KLHL13: variants seen among roughly 807,000 people sequenced by gnomAD.
The protein encoded by KLHL13 is kelch like family member 13.
Under a neutral mutation model 37.1 loss-of-function variants are expected in KLHL13, and 10 were observed. The ratio of observed to expected loss-of-function variants is 0.27; its 90% CI spans 0.17 to 0.46. The LOEUF is 0.46. KLHL13 is among the 20% of genes least tolerant of loss of function. The pLI is 1.00. For synonymous variants in KLHL13, 163 were observed against 181.2 expected (o/e 0.90, Z 0.81); for missense variants, 360 against 509.3 (o/e 0.71, Z 2.82).
At chrX:117,967,734 A>C (rs1395228257) in intron 1 of KLHL13, among the ~76,000 whole-genome samples, 1 of 112,082 alleles carries the variant, frequency 8.9e-6, no homozygotes, top group African/African-American at 3.2e-5. Context: ...AAATGATTTC[A>C]AGAGGTCTTT....
chrX:118,028,553 C>A (rs2054299604), intron 1 of KLHL13, 56 bp from the exon 2 acceptor site: 1 of 551,637 alleles, frequency 1.8e-6, no homozygotes, highest in Admixed American at 3.2e-5. Context: ...CTGGAATTTT[C>A]AACTTCTGTT....
At chrX:117,985,473 C>T in intron 1 of KLHL13, 1 of 412,520 alleles carries the variant, frequency 2.4e-6, no homozygotes, top group Non-Finnish European at 3.0e-6. Flanking sequence ...AACCTATGTA[C>T]TGCATACCTT....
intron 1 of KLHL13, among the ~76,000 whole-genome samples, chrX:117,984,806 G>A (rs761715523): frequency 2.5e-4 from 28 of 109,868 alleles, no homozygotes; most frequent in African/African-American, 9.2e-4. Context: ...GCATCAAAAT[G>A]TCTTTAAATA....
At position 117,983,424 on chromosome X, in the gene KLHL13, C is replaced by G. The variant is rs1018726374; in HGVS notation, c.-55-37849G>C. ...TATTCTCAGGGTCTTTCATGAAAAC[C>G]AATTCGCACTGAAAAAAAAAAAAAG... On this transcript the variant is annotated intron_variant, in intron 1 of 6. Coordinates refer to the KLHL13 transcript ENST00000371882. 5.5e-6 allele frequency: 4 copies of G among 729,526 alleles called. No individual in the cohort carries two copies. In the African/African-American group the frequency reaches 9.8e-5, roughly 18 times the overall value. 60.1% of individuals were successfully genotyped at this position (729,526 alleles called of 1,213,427 possible).
intron 2 of KLHL13, among the ~76,000 whole-genome samples, chrX:117,923,372 G>C (rs1931829711): frequency 8.9e-6 from 1 of 111,970 alleles, no homozygotes; most frequent in South Asian, 3.7e-4. Context: ...GATGAGTCTA[G>C]GTACTGTATG....
At chrX:118,091,748 A>G (rs1428162373) in intron 1 of KLHL13, among the ~76,000 whole-genome samples, 3 of 111,332 alleles carry the variant, frequency 2.7e-5, no homozygotes, top group Non-Finnish European at 3.8e-5. Flanking sequence ...AGAAACCTAC[A>G]GAATCGAGAA....
At chrX:118,089,666 G>GAAAGAAAGAAAGAAAA (rs764792954) in intron 1 of KLHL13, among the ~76,000 whole-genome samples, 2 of 103,929 alleles carry the variant, frequency 1.9e-5, no homozygotes, top group African/African-American at 3.5e-5. Flanking sequence ...AAGAAAGAAA[G>GAAAGAAAGAAAGAAAA]AAAAAAGAAA....
intron 5 of KLHL13, among the ~76,000 whole-genome samples, chrX:117,905,699 T>C (rs1315346406): frequency 1.8e-5 from 2 of 111,409 alleles, no homozygotes; most frequent in Non-Finnish European, 3.8e-5. Flanking sequence ...TACGTGTATA[T>C]TTTTATGGGG....
exon 7 of KLHL13, chrX:117,899,301 T>C: frequency 8.3e-6 from 10 of 1,211,252 alleles, no homozygotes; most frequent in Non-Finnish European, 1.1e-5. Flanking sequence ...AATGCAGACC[T>C]CTGACAGTGG....
exon 1 of KLHL13, chrX:117,973,080 G>A (rs187226456): frequency 3.3e-5 from 33 of 1,004,158 alleles, no homozygotes; most frequent in South Asian, 1.5e-4. Context: ...CCAGAAAAGC[G>A]TTGACTGCAG....
chrX:117,992,525 C>G (rs1318497024), intron 1 of KLHL13, among the ~76,000 whole-genome samples: 1 of 111,114 alleles, frequency 9.0e-6, no homozygotes, highest in Non-Finnish European at 1.9e-5. Flanking sequence ...TCAACATATA[C>G]CTTCCCCCCA....
At chrX:118,002,640 AAAT>A (rs1452754589) in intron 1 of KLHL13, among the ~76,000 whole-genome samples, 13 of 104,815 alleles carry the variant, frequency 1.2e-4, no homozygotes, top group African/African-American at 4.3e-4. Flanking sequence ...ATAAATAAAT[AAAT>A]AAAATGCTGT....
At chrX:117,985,216 T>C (rs1323883365) in intron 1 of KLHL13, 1 of 1,080,304 alleles carries the variant, frequency 9.3e-7, no homozygotes, top group Admixed American at 2.7e-5. Context: ...CAGCAGTAAA[T>C]AAAGGAAAAG....
intron 1 of KLHL13, among the ~76,000 whole-genome samples, chrX:118,109,137 TATC>T (rs780321703): frequency 9.0e-6 from 1 of 111,483 alleles, no homozygotes; most frequent in Non-Finnish European, 1.9e-5. Context: ...ATTCTGAAAA[TATC>T]ATTCCCTAGG....
At chrX:117,980,225 T>C (rs1484338283) in intron 1 of KLHL13, among the ~76,000 whole-genome samples, 1 of 111,954 alleles carries the variant, frequency 8.9e-6, no homozygotes, top group Non-Finnish European at 1.9e-5. Flanking sequence ...TTATTTATGA[T>C]GGTTGAAAAT....
chrX:117,918,696 T>C (rs1380138789), intron 4 of KLHL13, among the ~76,000 whole-genome samples: 10 of 111,530 alleles, frequency 9.0e-5, no homozygotes. Context: ...CATCGATTGG[T>C]AGTTGTATGT....
chrX:118,035,287 C>G (rs1260509206), intron 1 of KLHL13, among the ~76,000 whole-genome samples: 1 of 100,058 alleles, frequency 1.0e-5, no homozygotes, highest in East Asian at 2.8e-4. Context: ...GAGACACAAC[C>G]AATAAAGAGA....
chrX:118,060,732 C>T (rs1166377693), intron 1 of KLHL13, among the ~76,000 whole-genome samples: 2 of 111,471 alleles, frequency 1.8e-5, no homozygotes, highest in African/African-American at 3.3e-5. Flanking sequence ...AATTATACTG[C>T]TATCTTGGTA....
Position 118,101,121 on chromosome X carries a change from T to G in KLHL13, c.-56+15387A>C, listed in dbSNP as rs774942830. ...TTCCTAACTCTTACACATCAATTGTTTGTGCCTTCTATAATTCATATATTA... is the reference window on the plus strand; with the variant it reads ...TTCCTAACTCTTACACATCAATTGTGTGTGCCTTCTATAATTCATATATTA... On this transcript the variant is annotated intron_variant, in intron 1 of 6. Transcript: ENST00000371882. 2.7e-5 allele frequency among the ~76,000 whole-genome samples: 3 copies of G among 111,786 alleles called. No homozygotes were observed. In the South Asian group the frequency reaches 1.1e-3, roughly 42 times the overall value.
Sources: allele counts gnomAD v4.1 joint callset (sites outside exome capture counted in the v4.1 genomes callset), GRCh38; gene constraint gnomAD v4.1.1; transcripts MANE v1.5; gene names NCBI Gene and HGNC (gene_info 2026-07-23, HGNC 2026-07-21).